Variants in TUSC3 observed in about 807,000 individuals in gnomAD.
TUSC3 encodes tumor suppressor candidate 3, also known as dolichyl-diphosphooligosaccharide--protein glycosyltransferase subunit TUSC3.
In TUSC3, 45 loss-of-function variants were observed where a neutral mutation model predicts 44.8. That is an observed-to-expected ratio of 1.00 (90% CI 0.79 to 1.29). The LOEUF (loss-of-function observed/expected upper bound fraction) is 1.29. Ranked by LOEUF, TUSC3 falls within the 50% of genes most tolerant of loss-of-function variation. The pLI is 0.00. For missense variants in TUSC3, 519 were observed against 437.9 expected, an observed-to-expected ratio of 1.19 and a Z score of -1.65; for synonymous variants, 212 against 152.9, an observed-to-expected ratio of 1.39 and a Z score of -2.85.
At chr8:15,610,062 G>C (rs940669447) in intron 1 of TUSC3, among the ~76,000 whole-genome samples, 1 of 151,736 alleles carries the variant, frequency 6.6e-6, no homozygotes, top group South Asian at 2.1e-4. Flanking sequence ...TGTTTATATG[G>C]TTTAACTATT....
chr8:15,689,152 CT>C, intron 6 of TUSC3: 1 of 406,846 alleles, frequency 2.5e-6, no homozygotes. Context: ...ATCGCTTTTT[CT>C]TTCCACTCTG....
At chr8:15,471,001 TTCA>T (rs1220209211) in intron 1 of TUSC3, among the ~76,000 whole-genome samples, 2 of 152,084 alleles carry the variant, frequency 1.3e-5, no homozygotes, top group Non-Finnish European at 2.9e-5. Flanking sequence ...TGGTCAAAAT[TTCA>T]TCAAGTAGAT....
chr8:15,544,639 T>C (rs1801803840), intron 1 of TUSC3, among the ~76,000 whole-genome samples: 1 of 151,742 alleles, frequency 6.6e-6, no homozygotes, highest in Non-Finnish European at 1.5e-5. Context: ...GGCACAGCTG[T>C]GAAACAGAGA....
intron 1 of TUSC3, among the ~76,000 whole-genome samples, chr8:15,599,959 C>T (rs1168879251): frequency 6.6e-6 from 1 of 151,474 alleles, no homozygotes; most frequent in Non-Finnish European, 1.5e-5. Flanking sequence ...GGTTTCTTGT[C>T]GATTCTTTTG....
intron 1 of TUSC3, among the ~76,000 whole-genome samples, chr8:15,421,257 A>G (rs1799734433): frequency 6.6e-6 from 1 of 152,162 alleles, no homozygotes; most frequent in African/African-American, 2.4e-5. Flanking sequence ...AGTAAAAGCC[A>G]AACTCCTCAC....
chr8:15,847,980 G>A, the TUSC3 span, among the ~76,000 whole-genome samples: 2 of 152,104 alleles, frequency 1.3e-5, no homozygotes, highest in East Asian at 3.9e-4. Context: ...TCACCAATCA[G>A]TAGGCCTAGG....
chr8:15,846,579 C>A, the TUSC3 span, among the ~76,000 whole-genome samples: 1 of 152,032 alleles, frequency 6.6e-6, no homozygotes, highest in Non-Finnish European at 1.5e-5. Flanking sequence ...AAGCTGGAAA[C>A]CATCATTTTC....
At chr8:15,831,546 G>GCAAAC in the TUSC3 span, among the ~76,000 whole-genome samples, 1 of 135,616 alleles carries the variant, frequency 7.4e-6, no homozygotes, top group East Asian at 2.6e-4. Context: ...AGAAAGCAAA[G>GCAAAC]AATTACAACA....
chr8:15,797,834 C>T, the TUSC3 span, among the ~76,000 whole-genome samples: 4,202 of 152,214 alleles, frequency 0.028, 176 homozygotes, highest in African/African-American at 0.095. Context: ...TTGCAACATC[C>T]GCAACGGCTG....
chr8:15,523,926 C>T (rs539589475), intron 2 of TUSC3, among the ~76,000 whole-genome samples: 33 of 151,134 alleles, frequency 2.2e-4, no homozygotes, highest in Middle Eastern at 3.4e-3. Context: ...GGTGGTGGCG[C>T]GCACCTGTAG....
intron 1 of TUSC3, among the ~76,000 whole-genome samples, chr8:15,576,805 A>G (rs988255345): frequency 9.3e-4 from 130 of 140,494 alleles, no homozygotes; most frequent in African/African-American, 3.4e-3. Context: ...AGCACGATTT[A>G]TAGTCATTTG....
intron 1 of TUSC3, among the ~76,000 whole-genome samples, chr8:15,576,116 G>C (rs1435883747): frequency 6.6e-6 from 1 of 151,604 alleles, no homozygotes; most frequent in African/African-American, 2.4e-5. Context: ...ATGATCTCTT[G>C]TTAAAGCAAT....
At chr8:15,612,407 A>T (rs1474922910) in intron 1 of TUSC3, among the ~76,000 whole-genome samples, 1 of 152,180 alleles carries the variant, frequency 6.6e-6, no homozygotes, top group Non-Finnish European at 1.5e-5. Flanking sequence ...TTTAAGCTTC[A>T]CTTTGGAATG....
At chr8:15,577,223 G>A (rs1803152060) in intron 1 of TUSC3, among the ~76,000 whole-genome samples, 1 of 151,104 alleles carries the variant, frequency 6.6e-6, no homozygotes, top group Admixed American at 6.6e-5. Context: ...CCCTTTGTCA[G>A]ATGAGTAGCT....
chr8:15,520,375 A>G lies in TUSC3; in HGVS notation n.189+36892A>G, dbSNP rs948458326. On this transcript the variant is annotated intron_variant and non_coding_transcript_variant, in intron 2 of 5. Coordinates refer to the TUSC3 transcript ENST00000503191. ...ATTGTAACCTTGAGTAAGATATCCA[A>G]CCTCTGAAAGCCTTCATCTCCTCAT... 3.9e-5 allele frequency among the ~76,000 whole-genome samples: 6 copies of G among 152,280 alleles called. No individual in the cohort carries two copies. The East Asian group carries it at 5.8e-4, about 15-fold the overall frequency.
intron 2 of TUSC3, among the ~76,000 whole-genome samples, chr8:15,511,608 G>A (rs1162740778): frequency 1.3e-5 from 2 of 152,128 alleles, no homozygotes; most frequent in Non-Finnish European, 2.9e-5. Flanking sequence ...AGTAGCTCAC[G>A]CCTGTAATTC....
intron 1 of TUSC3, among the ~76,000 whole-genome samples, chr8:15,446,744 GA>G (rs1800109028): frequency 9.7e-6 from 1 of 103,066 alleles, no homozygotes; most frequent in Non-Finnish European, 2.0e-5. Context: ...GAGGGGGAGG[GA>G]GGGGGGAGGG....
rs188532184 is a variant in TUSC3, at chr8:15,483,879, G to C, written n.189+396G>C. The stretch of plus-strand genomic sequence containing the variant: ...TCACTGTGTTAGCCAGGGTGGTCTC[G>C]ATCTCCTGACCTCGTGATCCACCCA... On this transcript the variant is annotated intron_variant and non_coding_transcript_variant, in intron 2 of 5. Transcript: ENST00000503191. Among the ~76,000 whole-genome samples the C allele has an allele frequency of 6.8e-5, 10 of 146,070 alleles. 1 individual carries two copies. The highest frequency in any genetic ancestry group is 1.2e-4 in the Non-Finnish European group (8 of 66,348).
Position 15,757,800 on chromosome 8 carries a change from C to CT in TUSC3, c.1041dup (p.Glu348Ter), listed in dbSNP as rs1315555276. On this transcript the variant is annotated frameshift_variant, in exon 10 of 11. Coordinates refer to ENST00000503731, the MANE Select transcript of TUSC3 (RefSeq NM_006765.4). LOFTEE classifies it high-confidence loss of function. ...GTGGTGTATTGGAAAGTGATCTGGA[C>CT]TTTGAGTGAGAAGATGTGATTTGGA... The CT allele has an allele frequency of 8.3e-6, 12 of 1,442,528 alleles. No individual in the cohort carries two copies. The highest frequency in any genetic ancestry group is 1.2e-5 in the Non-Finnish European group (12 of 1,023,948). 89.4% of individuals were successfully genotyped at this position (1,442,528 alleles called of 1,614,324 possible).
Sources: allele counts gnomAD v4.1 joint callset (sites outside exome capture counted in the v4.1 genomes callset), GRCh38; gene constraint gnomAD v4.1.1; transcripts MANE v1.5; gene names NCBI Gene and HGNC (gene_info 2026-07-23, HGNC 2026-07-21).